PCDHGB3: variants seen among roughly 807,000 people sequenced by gnomAD.
The protein encoded by PCDHGB3 is protocadherin gamma-B3.
Under a neutral mutation model 59.2 loss-of-function variants are expected in PCDHGB3, and 40 were observed. That is an observed-to-expected ratio of 0.68 (90% CI 0.52 to 0.88). The LOEUF (loss-of-function observed/expected upper bound fraction) is 0.88. PCDHGB3 is among the 40% of genes least tolerant of loss of function. The probability of loss-of-function intolerance (pLI) is 0.00; values close to 1 mark genes in which losing one functional copy is unlikely to be tolerated. For missense variants in PCDHGB3, 1,309 were observed against 1,187.9 expected, an observed-to-expected ratio of 1.10 and a Z score of -1.50; for synonymous variants, 581 against 503.6, an observed-to-expected ratio of 1.15 and a Z score of -2.06.
chr5:141,371,720 C>G lies in PCDHGB3; in HGVS notation c.1326C>G (p.Ile442Met). The G allele has an allele frequency of 6.2e-7, 1 of 1,614,070 alleles. No individual in the cohort carries two copies. The part of the protein sequence containing the change: ...LSSSKTITLH[I>M]LDVNDNVPVF... ...CCAGCAAGACCATCACTCTGCACAT[C>G]CTTGATGTCAACGACAACGTTCCCG... Residue 442 changes from isoleucine to methionine, a missense_variant, in exon 1 of 4, where the codon ATC (isoleucine) becomes ATG (methionine). By Grantham distance (10) the Ile-to-Met change is conservative. Transcript: ENST00000576222.
At chr5:141,374,467 C>T (rs1430397717) in intron 1 of PCDHGB3, 2 of 1,612,694 alleles carry the variant, frequency 1.2e-6, no homozygotes, top group Non-Finnish European at 1.7e-6. Flanking sequence ...ACATTAATGA[C>T]AATACACCCC....
rs146273580 is a variant in PCDHGB3 at position 141,382,696 on chromosome 5, A to C, written c.2415+9887A>C. 2.9e-3 allele frequency: 1,317 copies of C among 455,920 alleles called. 5 individuals are homozygous for C. The highest frequency in any genetic ancestry group is 2.7e-3 in the Non-Finnish European group (706 of 261,386). 28.2% of individuals were successfully genotyped at this position (455,920 alleles called of 1,614,324 possible). A position where few individuals can be genotyped will look rare whatever the true frequency, so the allele number is the denominator to read the frequency against. ...TCACCAACCAGGGAAAAATGGTGCG[A>C]GAGATCCCACAGAAACCACCGAGTT... On this transcript the variant is annotated intron_variant, in intron 1 of 3. Transcript: ENST00000576222.
intron 1 of PCDHGB3, chr5:141,478,776 A>G (rs961079570): frequency 1.3e-6 from 2 of 1,488,690 alleles, no homozygotes; most frequent in East Asian, 2.5e-5. Flanking sequence ...TCATCTGTGG[A>G]CCTAATTCAC....
At chr5:141,374,437 C>T in intron 1 of PCDHGB3, 2 of 1,613,846 alleles carry the variant, frequency 1.2e-6, no homozygotes, top group Non-Finnish European at 1.7e-6. Context: ...ATCTTTATCC[C>T]GTGGAAGTGG....
chr5:141,429,387 T>TTAA (rs775632416), intron 1 of PCDHGB3, among the ~76,000 whole-genome samples: 1 of 151,334 alleles, frequency 6.6e-6, no homozygotes, highest in Non-Finnish European at 1.5e-5. Flanking sequence ...GTTTTTTTTT[T>TTAA]AAAAAAAATT....
At chr5:141,386,658 G>A (rs191902245) in intron 1 of PCDHGB3, among the ~76,000 whole-genome samples, 60 of 151,932 alleles carry the variant, frequency 3.9e-4, no homozygotes, top group African/African-American at 1.4e-3. Context: ...TACAAGTTCT[G>A]CAGTGTTCAC....
At chr5:141,414,342 C>A in intron 1 of PCDHGB3, 2 of 1,613,810 alleles carry the variant, frequency 1.2e-6, no homozygotes, top group East Asian at 2.2e-5. Flanking sequence ...TAACCTGTTC[C>A]ATTTTGGCGT....
Position 141,489,791 on chromosome 5 carries a change from C to G in PCDHGB3, c.2416-5016C>G. ...AGCCACTTCTCTCTGAATGTGAAGA[C>G]CCTAAAAGATGGGAAGCCATTCCCA... On this transcript the variant is annotated intron_variant, in intron 1 of 3. Transcript: ENST00000576222. The surrounding 1 kb of genome is among the most constrained non-coding windows in gnomAD (Gnocchi z 4.5). 2 of 1,614,174 alleles carry G rather than the reference C, an allele frequency of 1.2e-6. No individual in the cohort carries two copies. The highest frequency in any genetic ancestry group is 1.7e-6 in the Non-Finnish European group (2 of 1,180,002).
chr5:141,475,213 G>C (rs1359120020), intron 1 of PCDHGB3, among the ~76,000 whole-genome samples: 2 of 152,170 alleles, frequency 1.3e-5, no homozygotes, highest in African/African-American at 4.8e-5. Context: ...GAAAAGGATT[G>C]ATCAAGTAAA....
intron 1 of PCDHGB3, chr5:141,400,414 C>G: frequency 6.2e-7 from 1 of 1,614,058 alleles, no homozygotes; most frequent in African/African-American, 1.3e-5. Flanking sequence ...GTTTAATTTC[C>G]TAAAATGTAG....
chr5:141,438,658 G>GTA (rs2098048375), intron 1 of PCDHGB3, among the ~76,000 whole-genome samples: 7 of 77,996 alleles, frequency 9.0e-5, no homozygotes, highest in African/African-American at 1.9e-4. Flanking sequence ...ACACATATAT[G>GTA]TATATATATA....
chr5:141,374,348 A>G (rs756876853), intron 1 of PCDHGB3: 4 of 1,614,028 alleles, frequency 2.5e-6, no homozygotes, highest in Middle Eastern at 1.6e-4. Context: ...CACCGCGGGT[A>G]GGATAGACCG....
chr5:141,381,826 CTTTTT>C lies in PCDHGB3; in HGVS notation c.2415+9035_2415+9039del, dbSNP rs770630741. Among the ~76,000 whole-genome samples, 483 of 74,304 alleles carry C rather than the reference CTTTTT, an allele frequency of 6.5e-3. 2 individuals are homozygous for C. The highest frequency in any genetic ancestry group is 0.026 in the African/African-American group (418 of 16,208). 48.7% of individuals were successfully genotyped at this position (74,304 alleles called of 152,430 possible). On this transcript the variant is annotated intron_variant, in intron 1 of 3. Coordinates refer to ENST00000576222, the MANE Select transcript of PCDHGB3 (RefSeq NM_018924.5). ...TTTCTTTCTTTCTTTCTTTCTTCTT[CTTTTT>C]TTTTTTTTTTTTTTTTTGGCAGAGT...
intron 1 of PCDHGB3, chr5:141,400,289 G>A: frequency 6.2e-7 from 1 of 1,614,074 alleles, no homozygotes; most frequent in South Asian, 1.1e-5. Context: ...GCCGCCTGGA[G>A]CTGCTTCCAA....
chr5:141,403,773 A>T, intron 1 of PCDHGB3: 1 of 1,613,956 alleles, frequency 6.2e-7, no homozygotes, highest in South Asian at 1.1e-5. Context: ...GAGGGAATCA[A>T]CGGAAAAGTG....
At chr5:141,423,119 G>T (rs769320490) in intron 1 of PCDHGB3, 2 of 1,613,774 alleles carry the variant, frequency 1.2e-6, no homozygotes, top group Non-Finnish European at 1.7e-6. Context: ...CGTACAGCGC[G>T]GGCACTGCTG....
chr5:141,387,732 C>T (rs940812767), intron 1 of PCDHGB3: 5 of 1,279,332 alleles, frequency 3.9e-6, no homozygotes, highest in Non-Finnish European at 5.3e-6. Context: ...CAGCGCCAGC[C>T]TTTACACCGC....
intron 1 of PCDHGB3, among the ~76,000 whole-genome samples, chr5:141,464,197 G>A (rs1216682352): frequency 3.3e-5 from 5 of 151,394 alleles, no homozygotes; most frequent in African/African-American, 9.7e-5. Context: ...TTCAGGAGGC[G>A]GAGATTGCAG....
At chr5:141,399,705 C>G in intron 1 of PCDHGB3, 1 of 1,613,470 alleles carries the variant, frequency 6.2e-7, no homozygotes. Flanking sequence ...CCTTCGAACT[C>G]ACACTACAGG....
Sources: gnomAD v4.1 joint callset for allele counts (sites outside exome capture counted in the v4.1 genomes callset) on GRCh38, gnomAD v4.1.1 for gene constraint, Gnocchi (gnomAD v3.1) non-coding constraint, MANE v1.5 for transcripts, NCBI Gene and HGNC (gene_info 2026-07-23, HGNC 2026-07-21) for gene names.